The following MEOX2 variants were observed in gnomAD, a reference collection of about 807,000 sequenced individuals.
The protein encoded by MEOX2 is homeobox protein MOX-2.
In MEOX2, 11 loss-of-function variants were observed where a neutral mutation model predicts 27.0. The ratio of observed to expected loss-of-function variants is 0.41; its 90% CI spans 0.26 to 0.68. The LOEUF (loss-of-function observed/expected upper bound fraction) is 0.68. Ranked by LOEUF, MEOX2 falls within the 30% of genes least tolerant of loss-of-function variation. The pLI is 0.33. For missense variants in MEOX2, 436 were observed against 385.4 expected, an observed-to-expected ratio of 1.13 and a Z score of -1.10; for synonymous variants, 189 against 155.4, an observed-to-expected ratio of 1.22 and a Z score of -1.61.
At chr7:15,614,204 TAAAA>T in intron 2 of MEOX2, among the ~76,000 whole-genome samples, 1 of 3,760 alleles carries the variant, frequency 2.7e-4, no homozygotes, top group Non-Finnish European at 4.5e-4. Context: ...AATAAATAGA[TAAAA>T]TAAAATAAAA....
At chr7:15,630,794 G>C (rs898359971) in intron 1 of MEOX2, among the ~76,000 whole-genome samples, 3 of 151,942 alleles carry the variant, frequency 2.0e-5, no homozygotes, top group Non-Finnish European at 4.4e-5. Context: ...CATTCTATTG[G>C]TGCTAGTAAT....
chr7:15,651,514 G>A (rs1781732185), intron 1 of MEOX2, among the ~76,000 whole-genome samples: 1 of 151,912 alleles, frequency 6.6e-6, no homozygotes, highest in African/African-American at 2.4e-5. Flanking sequence ...CTAACCTCTA[G>A]AGTGCTGATT....
At position 15,654,442 on chromosome 7, in the gene MEOX2, G is replaced by C. The variant is rs1781788557; in HGVS notation, c.518-27524C>G. ...CTTATTGAATTGGCTATACCTTTCAGTCTTATGTTGAATAAGAGTGGTGAG... is the reference window on the plus strand; with the variant it reads ...CTTATTGAATTGGCTATACCTTTCACTCTTATGTTGAATAAGAGTGGTGAG... On this transcript the variant is annotated intron_variant, in intron 1 of 2. Transcript: ENST00000262041. Among the ~76,000 whole-genome samples, 3 of 151,504 alleles carry C rather than the reference G, an allele frequency of 2.0e-5. No individual in the cohort carries two copies. The South Asian group carries it at 6.2e-4, about 31-fold the overall frequency.
At chr7:15,679,579 C>A (rs1250644270) in intron 1 of MEOX2, 1 of 151,926 alleles carries the variant, frequency 6.6e-6, no homozygotes, top group African/African-American at 2.4e-5. Context: ...AAAGTTTTTA[C>A]CACTGAGTTA....
chr7:15,666,789 T>C (rs1227929615), intron 1 of MEOX2, among the ~76,000 whole-genome samples: 1 of 116,582 alleles, frequency 8.6e-6, no homozygotes, highest in Non-Finnish European at 1.8e-5. Flanking sequence ...AATATATATA[T>C]ATATATATAT....
At chr7:15,624,912 G>T (rs143426314) in intron 2 of MEOX2, among the ~76,000 whole-genome samples, 2 of 152,266 alleles carry the variant, frequency 1.3e-5, no homozygotes, top group East Asian at 1.9e-4. Context: ...CCTGAAGTCA[G>T]TTAGAAAGAA....
chr7:15,651,460 A>G (rs1781731695), intron 1 of MEOX2, among the ~76,000 whole-genome samples: 2 of 152,048 alleles, frequency 1.3e-5, no homozygotes, highest in South Asian at 2.1e-4. Flanking sequence ...ATTTTAGAAT[A>G]TAATGTAATT....
chr7:15,684,583 A>C (rs1782348171), intron 1 of MEOX2, among the ~76,000 whole-genome samples: 2 of 152,208 alleles, frequency 1.3e-5, no homozygotes, highest in African/African-American at 4.8e-5. Context: ...ATTGCTGTGA[A>C]TGGTGAAGGA....
intron 1 of MEOX2, among the ~76,000 whole-genome samples, chr7:15,641,940 C>T (rs1781568311): frequency 1.3e-5 from 2 of 152,110 alleles, no homozygotes; most frequent in African/African-American, 4.8e-5. Flanking sequence ...AATGAGCCCC[C>T]AATCTCTTCT....
intron 1 of MEOX2, among the ~76,000 whole-genome samples, chr7:15,656,931 C>CT (rs1160046967): frequency 6.6e-6 from 1 of 151,952 alleles, no homozygotes; most frequent in East Asian, 1.9e-4. Context: ...CATGATCTCC[C>CT]TGTCATTCCT....
At chr7:15,625,433 C>G (rs927546950) in intron 2 of MEOX2, among the ~76,000 whole-genome samples, 1 of 152,242 alleles carries the variant, frequency 6.6e-6, no homozygotes. Flanking sequence ...ATAAATAAAA[C>G]CACAGAAAAG....
chr7:15,653,385 A>G (rs1456147875), intron 1 of MEOX2, among the ~76,000 whole-genome samples: 1 of 151,788 alleles, frequency 6.6e-6, no homozygotes, highest in African/African-American at 2.4e-5. Context: ...TTCGTCCTTT[A>G]TCAGATATGT....
intron 1 of MEOX2, among the ~76,000 whole-genome samples, chr7:15,637,341 T>C (rs1781494609): frequency 6.6e-6 from 1 of 152,070 alleles, no homozygotes; most frequent in South Asian, 2.1e-4. Flanking sequence ...TTACATCTTA[T>C]AATTTCTGAA....
intron 1 of MEOX2, among the ~76,000 whole-genome samples, chr7:15,659,488 C>T (rs1457853882): frequency 6.6e-6 from 1 of 151,988 alleles, no homozygotes. Flanking sequence ...GGGCCCGGCG[C>T]GGTGGCTCAC....
chr7:15,667,506 G>A lies in MEOX2; in HGVS notation c.517+18380C>T, dbSNP rs548795118. On this transcript the variant is annotated intron_variant, in intron 1 of 2. Coordinates refer to ENST00000262041, the MANE Select transcript of MEOX2 (RefSeq NM_005924.5). ...CCAGAAACCTCAAGGTGTTCTGTTC[G>A]TCTTAGTGTACCCAAAGCGTAGGGC... Among the ~76,000 whole-genome samples the A allele has an allele frequency of 5.9e-5, 9 of 152,000 alleles. No individual in the cohort carries two copies. In the South Asian group the frequency reaches 6.2e-4, roughly 11 times the overall value.
chr7:15,661,993 A>G lies in MEOX2; in HGVS notation c.517+23893T>C, dbSNP rs565309194. On this transcript the variant is annotated intron_variant, in intron 1 of 2. Coordinates refer to ENST00000262041, the MANE Select transcript of MEOX2 (RefSeq NM_005924.5). ...TTTTGTATTTAGACAGAACTTTGCA[A>G]AGTTAACAATTTCATTTTCATCTGA... Among the ~76,000 whole-genome samples the G allele has an allele frequency of 2.1e-3, 314 of 151,740 alleles. 5 individuals carry two copies. The highest frequency in any genetic ancestry group is 1.2e-3 in the East Asian group (6 of 5,088).
At chr7:15,683,719 A>C (rs1177361606) in intron 1 of MEOX2, among the ~76,000 whole-genome samples, 4 of 152,168 alleles carry the variant, frequency 2.6e-5, no homozygotes, top group African/African-American at 4.8e-5. Context: ...CATAGATTTA[A>C]ACAGAAACTA....
At chr7:15,612,667 T>C in intron 2 of MEOX2, 56 bp from the exon 3 acceptor site, 1 of 1,493,606 alleles carries the variant, frequency 6.7e-7, no homozygotes, top group Admixed American at 1.7e-5. Context: ...TAAAGTGACA[T>C]TTTTTTCTCC....
intron 1 of MEOX2, chr7:15,675,926 G>A (rs1782185523): frequency 1.3e-5 from 2 of 152,086 alleles, no homozygotes; most frequent in Admixed American, 1.3e-4. Flanking sequence ...TCTTGTTTTA[G>A]GGATCAAATT....
Sources: gnomAD v4.1 joint callset for allele counts (sites outside exome capture counted in the v4.1 genomes callset) on GRCh38, gnomAD v4.1.1 for gene constraint, MANE v1.5 for transcripts, NCBI Gene and HGNC (gene_info 2026-07-23, HGNC 2026-07-21) for gene names.